The following EVI5 variants were observed in gnomAD, a reference collection of about 807,000 sequenced individuals.
EVI5 encodes ecotropic viral integration site 5 protein homolog.
EVI5 carries 73 observed loss-of-function variants against 112.0 expected under a neutral mutation model. The observed-to-expected ratio is 0.65, with a 90% confidence interval of 0.54 to 0.79. The LOEUF is 0.79. EVI5 is among the 30% of genes least tolerant of loss of function. EVI5 has a pLI of 0.00. For synonymous variants in EVI5, 305 were observed against 319.9 expected, an observed-to-expected ratio of 0.95 and a Z score of 0.50; for missense variants, 900 against 968.8, an observed-to-expected ratio of 0.93 and a Z score of 0.94.
chr1:92,594,539 T>A (rs949695108), intron 18 of EVI5, among the ~76,000 whole-genome samples: 1 of 150,348 alleles, frequency 6.7e-6, no homozygotes, highest in African/African-American at 2.5e-5. Flanking sequence ...CCAAAAGCAA[T>A]GGCAACAAAA....
chr1:92,733,429 C>T (rs545927489), intron 2 of EVI5, among the ~76,000 whole-genome samples: 5 of 144,936 alleles, frequency 3.4e-5, no homozygotes, highest in South Asian at 2.2e-4. Context: ...TTAAATGAGA[C>T]GGACTCTTAC....
chr1:92,563,881 GACAA>G lies in EVI5; in HGVS notation c.2071-148_2071-145del, dbSNP rs147385221. 1.1e-3 allele frequency: 502 copies of G among 461,998 alleles called. 6 individuals carry two copies. Among genetic ancestry groups the G allele is most frequent in the African/African-American group, 9.4e-3 (473 of 50,226 alleles). The allele number at this position is 461,998 out of a possible 1,614,324, so 28.6% of individuals were successfully genotyped here. On this transcript the variant is annotated intron_variant, in intron 18 of 19. Transcript: ENST00000684568. The stretch of plus-strand genomic sequence containing the variant: ...ACAAATCCATTCTCAAACTACCTCT[GACAA>G]ACAATTCATAATGAACTATGCTTTA...
chr1:92,748,837 C>T (rs545997384), intron 1 of EVI5, among the ~76,000 whole-genome samples: 6 of 152,054 alleles, frequency 3.9e-5, no homozygotes, highest in Non-Finnish European at 7.4e-5. Context: ...GAGGCCGATG[C>T]GGGCAGATCA....
At chr1:92,624,393 A>G (rs1445515565) in intron 15 of EVI5, 59 bp from the exon 16 acceptor site, 1 of 1,374,182 alleles carries the variant, frequency 7.3e-7, no homozygotes, top group East Asian at 2.3e-5. Context: ...AAGAGCTAAT[A>G]TTACTGAGCG....
chr1:92,555,321 C>T (rs759053183), intron 19 of EVI5, among the ~76,000 whole-genome samples: 1 of 152,192 alleles, frequency 6.6e-6, no homozygotes, highest in Non-Finnish European at 1.5e-5. Flanking sequence ...ACTCCATACA[C>T]TGAAGTTCTT....
At chr1:92,565,942 C>A (rs1221202577) in intron 18 of EVI5, among the ~76,000 whole-genome samples, 1 of 7,220 alleles carries the variant, frequency 1.4e-4, no homozygotes, top group Non-Finnish European at 2.5e-4. Context: ...TGCATTCCAG[C>A]CCGAGCAAAA....
chr1:92,779,091 G>T (rs1684533502), intron 1 of EVI5, among the ~76,000 whole-genome samples: 1 of 152,010 alleles, frequency 6.6e-6, no homozygotes, highest in Non-Finnish European at 1.5e-5. Flanking sequence ...ACAAGTTCAG[G>T]ACTTCCCATC....
chr1:92,655,393 A>G (rs1379433316), intron 13 of EVI5, among the ~76,000 whole-genome samples: 1 of 152,160 alleles, frequency 6.6e-6, no homozygotes, highest in African/African-American at 2.4e-5. Flanking sequence ...AACAAGCTTC[A>G]TAAATGGAGA....
intron 18 of EVI5, among the ~76,000 whole-genome samples, chr1:92,600,984 C>T (rs1649049748): frequency 6.6e-6 from 1 of 151,862 alleles, no homozygotes; most frequent in Non-Finnish European, 1.5e-5. Context: ...AACAGTTAAA[C>T]AAGAAAAAAG....
chr1:92,694,443 A>C, intron 7 of EVI5, 55 bp from the exon 8 acceptor site: 1 of 1,040,344 alleles, frequency 9.6e-7, no homozygotes, highest in Non-Finnish European at 1.5e-6. Flanking sequence ...ATCAACAAAA[A>C]CGAGTCATTT....
At chr1:92,679,674 T>C (rs1329191354) in intron 9 of EVI5, among the ~76,000 whole-genome samples, 6 of 152,204 alleles carry the variant, frequency 3.9e-5, no homozygotes, top group Admixed American at 2.6e-4. Flanking sequence ...TATTAACACA[T>C]TGCTGTTACC....
intron 2 of EVI5, 65 bp downstream of exon 2, chr1:92,736,333 G>T: frequency 9.6e-7 from 1 of 1,044,386 alleles, no homozygotes; most frequent in Non-Finnish European, 1.4e-6. Context: ...AAATTCTAGT[G>T]TAAGTAAATA....
At chr1:92,787,149 T>A (rs945467982), upstream of EVI5, among the ~76,000 whole-genome samples, 1 of 152,220 alleles carries the variant, frequency 6.6e-6, no homozygotes, top group African/African-American at 2.4e-5. Context: ...ATTTTCATAT[T>A]TGTTAAATAT....
chr1:92,781,729 T>G (rs979818704), intron 1 of EVI5, among the ~76,000 whole-genome samples: 2 of 151,204 alleles, frequency 1.3e-5, no homozygotes, highest in Admixed American at 6.6e-5. Flanking sequence ...CTGGTGTAGG[T>G]GTATGACTTG....
At chr1:92,587,977 C>T (rs1448125470) in intron 18 of EVI5, among the ~76,000 whole-genome samples, 1 of 152,146 alleles carries the variant, frequency 6.6e-6, no homozygotes, top group African/African-American at 2.4e-5. Context: ...TTTTCCTTAA[C>T]TAACTGAGGA....
At chr1:92,705,237 C>G (rs1055392496) in intron 2 of EVI5, among the ~76,000 whole-genome samples, 2 of 152,156 alleles carry the variant, frequency 1.3e-5, no homozygotes, top group Non-Finnish European at 2.9e-5. Flanking sequence ...TCTGCCCAAA[C>G]AAAAAGTATT....
chr1:92,681,121 G>A (rs918294997), intron 9 of EVI5, among the ~76,000 whole-genome samples: 4 of 152,120 alleles, frequency 2.6e-5, no homozygotes, highest in African/African-American at 9.7e-5. Flanking sequence ...AAAGTAACTG[G>A]TTTTTGCCGT....
chr1:92,555,680 T>G (rs969976002), intron 19 of EVI5, among the ~76,000 whole-genome samples: 1 of 151,988 alleles, frequency 6.6e-6, no homozygotes, highest in African/African-American at 2.4e-5. Context: ...TGAAACCCTG[T>G]GTCTGCTAAG....
At chr1:92,733,144 C>A in intron 2 of EVI5, 1 of 226,342 alleles carries the variant, frequency 4.4e-6, no homozygotes. Context: ...TTAGAACTTA[C>A]TTTGGAAACC....
Sources: gnomAD v4.1 joint callset for allele counts (sites outside exome capture counted in the v4.1 genomes callset) on GRCh38, gnomAD v4.1.1 for gene constraint, MANE v1.5 for transcripts, NCBI Gene and HGNC (gene_info 2026-07-23, HGNC 2026-07-21) for gene names.